Variants in ELL observed in about 807,000 individuals in gnomAD.
ELL encodes the protein elongation factor for RNA polymerase II, also known as RNA polymerase II elongation factor ELL.
Under a neutral mutation model 64.0 loss-of-function variants are expected in ELL, and 18 were observed. The ratio of observed to expected loss-of-function variants is 0.28; its 90% CI spans 0.19 to 0.42. ELL has a LOEUF of 0.42. Among genes scored for constraint, ELL ranks in the 10% least tolerant of loss-of-function variants. The pLI is 1.00. For missense variants in ELL, 797 were observed against 870.4 expected (o/e 0.92, Z 1.06); for synonymous variants, 399 against 376.2 (o/e 1.06, Z -0.70).
At chr19:18,472,942 A>G (rs1451799072) in intron 1 of ELL, 60 bp from the exon 2 acceptor site, 1 of 1,512,196 alleles carries the variant, frequency 6.6e-7, no homozygotes, top group African/African-American at 1.4e-5. Flanking sequence ...ACATTGGGAA[A>G]CCCAAAGACT....
At chr19:18,490,347 G>A (rs189854087) in intron 1 of ELL, among the ~76,000 whole-genome samples, 7 of 152,218 alleles carry the variant, frequency 4.6e-5, no homozygotes, top group Admixed American at 4.6e-4. Context: ...ACTCTTCTGG[G>A]CCGACACAGC....
At chr19:18,505,818 AGTT>A (rs1251253571) in intron 1 of ELL, among the ~76,000 whole-genome samples, 3 of 152,158 alleles carry the variant, frequency 2.0e-5, no homozygotes, top group Non-Finnish European at 2.9e-5. Flanking sequence ...GGTGAATGTG[AGTT>A]GCAGGAGGGG....
intron 1 of ELL, among the ~76,000 whole-genome samples, chr19:18,504,493 A>G (rs1220443809): frequency 3.3e-5 from 5 of 152,146 alleles, no homozygotes; most frequent in Non-Finnish European, 5.9e-5. Flanking sequence ...CCTGGGAGGA[A>G]GGGGAAGTGG....
rs990428189 is a variant in ELL, at chr19:18,518,914, C to T, written c.135+3007G>A. The stretch of plus-strand genomic sequence containing the variant: ...CTCCAGCTGGCTACCAGGTCAACAC[C>T]AGAGCCCTCTGGGGAGAGAAAACAG... On this transcript the variant is annotated intron_variant, in intron 1 of 11. Transcript: ENST00000262809. Among the ~76,000 whole-genome samples, 5 of 152,256 alleles carry T rather than the reference C, an allele frequency of 3.3e-5. No individual in the cohort carries two copies. In the South Asian group the frequency reaches 1.0e-3, roughly 32 times the overall value.
chr19:18,456,473 G>C (rs1287361497), intron 6 of ELL, among the ~76,000 whole-genome samples: 1 of 152,234 alleles, frequency 6.6e-6, no homozygotes, highest in Non-Finnish European at 1.5e-5. Flanking sequence ...CCTCAGAGAG[G>C]TGCTCCAGGA....
intron 1 of ELL, chr19:18,473,314 G>A (rs1568385689): frequency 2.3e-6 from 1 of 429,638 alleles, no homozygotes; most frequent in Non-Finnish European, 4.7e-6. Flanking sequence ...ACTCTCCCAA[G>A]GACCCATACA....
chr19:18,516,818 A>C lies in ELL; in HGVS notation c.135+5103T>G, dbSNP rs181781298. 2.0e-5 allele frequency among the ~76,000 whole-genome samples: 3 copies of C among 152,258 alleles called. No individual in the cohort carries two copies. In the East Asian group the frequency reaches 5.8e-4, roughly 29 times the overall value. On this transcript the variant is annotated intron_variant, in intron 1 of 11. Transcript: ENST00000262809. Reference sequence around the variant, plus strand: ...GAGAGAAGGATCTGGAACTTGAGGGAGCAGGTCAAGTACTGCTGACCCCAG... The same window carrying C: ...GAGAGAAGGATCTGGAACTTGAGGGCGCAGGTCAAGTACTGCTGACCCCAG...
At chr19:18,448,859 C>G (rs1322412367) in intron 8 of ELL, 2 of 152,230 alleles carry the variant, frequency 1.3e-5, no homozygotes, top group African/African-American at 4.8e-5. Context: ...CCCCGGAGAA[C>G]ACCCCCACAG....
At chr19:18,459,308 C>A (rs909785922) in intron 5 of ELL, among the ~76,000 whole-genome samples, 1 of 152,188 alleles carries the variant, frequency 6.6e-6, no homozygotes, top group Non-Finnish European at 1.5e-5. Flanking sequence ...TGCCGGTTGA[C>A]CAAAGCTAAG....
rs564233255 is a variant in ELL, at chr19:18,444,600, C to T, written c.*152G>A. 18 of 793,538 alleles carry T rather than the reference C, an allele frequency of 2.3e-5. No homozygotes were observed. In the Admixed American group the frequency reaches 4.6e-4, roughly 20 times the overall value. 49.2% of individuals were successfully genotyped at this position (793,538 alleles called of 1,614,324 possible). A position where few individuals can be genotyped will look rare whatever the true frequency, so the allele number is the denominator to read the frequency against. ...GGGCCGAGGTGGGCTTGCAGCCACC[C>T]GCCAGGGCCAGACGTCTGCAGGGGC... On this transcript the variant is annotated 3_prime_UTR_variant, in exon 12 of 12. Coordinates refer to ENST00000262809, the MANE Select transcript of ELL (RefSeq NM_006532.4).
chr19:18,501,282 CAT>C lies in ELL; in HGVS notation c.135+20637_135+20638del, dbSNP rs1016709680. On this transcript the variant is annotated intron_variant, in intron 1 of 11. Transcript: ENST00000262809. The surrounding 1 kb of genome is among the most constrained non-coding windows in gnomAD (Gnocchi z 4.5). Reference sequence around the variant, plus strand: ...GAGAGTAACGCAAGTGGGCAAAACACATGAGAAGCCACCAAGCAGACCCGGAT... The same window carrying C: ...GAGAGTAACGCAAGTGGGCAAAACACGAGAAGCCACCAAGCAGACCCGGAT... Among the ~76,000 whole-genome samples, 3 of 152,052 alleles carry C rather than the reference CAT, an allele frequency of 2.0e-5. No homozygotes were observed. The highest frequency in any genetic ancestry group is 2.0e-4 in the Admixed American group (3 of 15,274).
Position 18,472,886 on chromosome 19 carries a change from TAAAAAAAAAAAA to T in ELL, c.136-16_136-5del. ...ATGGCCTCAGTGAAACAGAATCCTA[TAAAAAAAAAAAA>T]AAAAAAAAAAAGGTGAGGGGAACAT... On this transcript the variant is annotated splice_region_variant and splice_polypyrimidine_tract_variant and intron_variant, in intron 1 of 11. Coordinates refer to ENST00000262809, the MANE Select transcript of ELL (RefSeq NM_006532.4). 2 of 1,213,068 alleles carry T rather than the reference TAAAAAAAAAAAA, an allele frequency of 1.6e-6. No homozygotes were observed. Among genetic ancestry groups the T allele is most frequent in the East Asian group, 3.1e-5 (1 of 32,186 alleles). 75.1% of individuals were successfully genotyped at this position (1,213,068 alleles called of 1,614,324 possible). A position where few individuals can be genotyped will look rare whatever the true frequency, so the allele number is the denominator to read the frequency against.
At chr19:18,465,284 C>T (rs569986476) in intron 4 of ELL, 128 bp downstream of exon 4, 20 of 1,327,760 alleles carry the variant, frequency 1.5e-5, no homozygotes, top group African/African-American at 4.5e-5. Context: ...GCTCAGGGAC[C>T]GACTCCTCGG....
chr19:18,450,810 G>A lies in ELL; in HGVS notation c.1132C>T (p.Leu378Phe). ...GGGGGCAGGTGAGTGCTGGAGCTGA[G>A]GGTGTCCGTGCTGGCTGGTGGGCCC... is the stretch of plus-strand genomic sequence containing the variant. ...TPGPPASTDT[L>F]SSSTHLPPRL... The change falls in exon 8 of 12, where the codon CTC (leucine) becomes TTC (phenylalanine). Residue 378 changes from leucine (L) to phenylalanine (F), a missense_variant. By Grantham distance (22) the Leu-to-Phe change is conservative. Coordinates refer to ENST00000262809, the MANE Select transcript of ELL (RefSeq NM_006532.4). The A allele has an allele frequency of 1.3e-6, 2 of 1,585,402 alleles. No individual in the cohort carries two copies. The highest frequency in any genetic ancestry group is 1.7e-6 in the Non-Finnish European group (2 of 1,165,292).
At chr19:18,467,982 CACACAACCTCCCCCACACACAA>C (rs1974985539) in intron 2 of ELL, among the ~76,000 whole-genome samples, 1 of 145,420 alleles carries the variant, frequency 6.9e-6, no homozygotes, top group Non-Finnish European at 1.5e-5. Flanking sequence ...GACAGCACCA[CACACAACCTCCCCCACACACAA>C]ACACAACCCA....
chr19:18,459,538 G>C (rs1265821200), intron 5 of ELL, among the ~76,000 whole-genome samples: 1 of 95,332 alleles, frequency 1.0e-5, no homozygotes, highest in Admixed American at 1.1e-4. Flanking sequence ...TTTTTTTTTT[G>C]AGATGGAGTC....
intron 1 of ELL, among the ~76,000 whole-genome samples, chr19:18,511,408 C>T (rs1976019993): frequency 6.6e-6 from 1 of 152,054 alleles, no homozygotes; most frequent in Non-Finnish European, 1.5e-5. Context: ...CCAGCCTCGG[C>T]GATCCAACAG....
chr19:18,520,244 G>A (rs1013229146), intron 1 of ELL, among the ~76,000 whole-genome samples: 1 of 152,132 alleles, frequency 6.6e-6, no homozygotes, highest in Non-Finnish European at 1.5e-5. Flanking sequence ...CAAGTCCATC[G>A]TAGTTATATG....
At chr19:18,462,106 C>T (rs1418254603) in intron 4 of ELL, among the ~76,000 whole-genome samples, 1 of 151,798 alleles carries the variant, frequency 6.6e-6, no homozygotes, top group African/African-American at 2.4e-5. Flanking sequence ...TGTGTTAGAG[C>T]CTTACTTACT....
Sources: gnomAD v4.1 joint callset for allele counts (sites outside exome capture counted in the v4.1 genomes callset) on GRCh38, gnomAD v4.1.1 for gene constraint, Gnocchi (gnomAD v3.1) non-coding constraint, MANE v1.5 for transcripts, NCBI Gene and HGNC (gene_info 2026-07-23, HGNC 2026-07-21) for gene names.